CDK14: variants seen among roughly 807,000 people sequenced by gnomAD.
CDK14 encodes the protein cyclin dependent kinase 14.
CDK14 carries 34 observed loss-of-function variants against 60.7 expected under a neutral mutation model. The ratio of observed to expected loss-of-function variants is 0.56; its 90% CI spans 0.43 to 0.75. CDK14 has a LOEUF of 0.75. Ranked by LOEUF, CDK14 falls within the 30% of genes least tolerant of loss-of-function variation. CDK14 has a pLI of 0.00. For synonymous variants in CDK14, 197 were observed against 203.7 expected, an observed-to-expected ratio of 0.97 and a Z score of 0.28; for missense variants, 482 against 564.1, an observed-to-expected ratio of 0.85 and a Z score of 1.47.
intron 9 of CDK14, among the ~76,000 whole-genome samples, chr7:90,976,499 C>T (rs1795075512): frequency 6.6e-6 from 1 of 151,878 alleles, no homozygotes; most frequent in Non-Finnish European, 1.5e-5. Flanking sequence ...GAGACTACTA[C>T]AGGTGCAGTC....
chr7:90,731,458 T>G (rs1485691210), intron 3 of CDK14, among the ~76,000 whole-genome samples: 1 of 152,214 alleles, frequency 6.6e-6, no homozygotes, highest in Non-Finnish European at 1.5e-5. Flanking sequence ...ATGATATTGA[T>G]TCTTCATATC....
intron 14 of CDK14, among the ~76,000 whole-genome samples, chr7:91,141,824 T>TTGC (rs1554438873): frequency 1.3e-5 from 2 of 151,822 alleles, no homozygotes; most frequent in African/African-American, 2.4e-5. Flanking sequence ...GTTGTTGTTG[T>TTGC]TGCTGTTGTT....
At chr7:91,198,757 C>T (rs984352863) in intron 14 of CDK14, among the ~76,000 whole-genome samples, 4 of 152,236 alleles carry the variant, frequency 2.6e-5, no homozygotes, top group East Asian at 1.9e-4. Flanking sequence ...GGTTCAAAGT[C>T]GTAGGTGACT....
At chr7:90,891,353 T>C (rs1369462405) in intron 6 of CDK14, among the ~76,000 whole-genome samples, 1 of 152,216 alleles carries the variant, frequency 6.6e-6, no homozygotes, top group African/African-American at 2.4e-5. Context: ...GTTTGTAACA[T>C]ATCCCATTTT....
At chr7:90,758,837 C>G (rs749958761) in intron 4 of CDK14, among the ~76,000 whole-genome samples, 4 of 152,198 alleles carry the variant, frequency 2.6e-5, no homozygotes, top group Non-Finnish European at 5.9e-5. Context: ...GGGTGGATCA[C>G]CTGAGGCCAG....
intron 2 of CDK14, among the ~76,000 whole-genome samples, chr7:90,618,991 G>A (rs376681557): frequency 2.0e-5 from 3 of 152,266 alleles, no homozygotes; most frequent in East Asian, 3.9e-4. Flanking sequence ...AGCTCATTAA[G>A]TTAATATTTA....
At chr7:90,833,807 A>T (rs533630767) in intron 5 of CDK14, among the ~76,000 whole-genome samples, 27 of 152,326 alleles carry the variant, frequency 1.8e-4, no homozygotes, top group Admixed American at 5.2e-4. Flanking sequence ...TTAAGAAAGG[A>T]CTTAAAAATA....
At chr7:90,926,416 GA>G (rs1308214102) in intron 8 of CDK14, among the ~76,000 whole-genome samples, 1 of 152,144 alleles carries the variant, frequency 6.6e-6, no homozygotes, top group Admixed American at 6.5e-5. Context: ...GTAATTTAAG[GA>G]ATCACCCTCT....
At chr7:91,182,768 C>T (rs1052285631) in intron 14 of CDK14, among the ~76,000 whole-genome samples, 4 of 152,116 alleles carry the variant, frequency 2.6e-5, no homozygotes, top group African/African-American at 9.7e-5. Flanking sequence ...ATGGAAAGCA[C>T]TTTTTCTTAA....
Position 91,015,521 on chromosome 7 carries a change from G to GTTTTTTTTT in CDK14, c.1042-30360_1042-30352dup, listed in dbSNP as rs10710645. 2.1e-4 allele frequency among the ~76,000 whole-genome samples: 16 copies of GTTTTTTTTT among 77,664 alleles called. 1 individual carries two copies. The highest frequency in any genetic ancestry group is 3.1e-4 in the African/African-American group (6 of 19,244). 51.0% of individuals were successfully genotyped at this position (77,664 alleles called of 152,430 possible). A position where few individuals can be genotyped will look rare whatever the true frequency, so the allele number is the denominator to read the frequency against. On this transcript the variant is annotated intron_variant, in intron 10 of 14. Coordinates refer to ENST00000380050, the MANE Select transcript of CDK14 (RefSeq NM_001287135.2). ...CCTACCCCAGCAGAGTATGTCTTGG[G>GTTTTTTTTT]TTTTTTTTTTTTTTTTTTTTTTTTG...
Position 90,891,371 on chromosome 7 carries a change from A to G in CDK14, c.640-7920A>G, listed in dbSNP as rs1036179786. Among the ~76,000 whole-genome samples the G allele has an allele frequency of 2.0e-5, 3 of 152,238 alleles. No individual in the cohort carries two copies. The South Asian group carries it at 6.2e-4, about 32-fold the overall frequency. On this transcript the variant is annotated intron_variant, in intron 6 of 14. Coordinates refer to ENST00000380050, the MANE Select transcript of CDK14 (RefSeq NM_001287135.2). ...TGTAACATATCCCATTTTTAAAACAATGTGTTCACTTAAAGTTTTCATCAA... is the reference window on the plus strand; with the variant it reads ...TGTAACATATCCCATTTTTAAAACAGTGTGTTCACTTAAAGTTTTCATCAA...
At chr7:90,766,917 C>T (rs142860617) in intron 4 of CDK14, among the ~76,000 whole-genome samples, 305 of 152,278 alleles carry the variant, frequency 2.0e-3, no homozygotes, top group African/African-American at 6.5e-3. Context: ...CACAGCTGCA[C>T]GGCCAGCTCT....
chr7:90,974,660 C>T (rs1242304970), intron 9 of CDK14, among the ~76,000 whole-genome samples: 1 of 152,150 alleles, frequency 6.6e-6, no homozygotes, highest in Non-Finnish European at 1.5e-5. Context: ...TCTGCTTCCT[C>T]ATGTGATATA....
intron 13 of CDK14, among the ~76,000 whole-genome samples, chr7:91,114,966 A>G (rs1372388046): frequency 6.6e-6 from 1 of 152,178 alleles, no homozygotes; most frequent in Non-Finnish European, 1.5e-5. Flanking sequence ...TATATTTAGA[A>G]GTTTTTTAAA....
chr7:90,733,195 G>T (rs1802944184), intron 3 of CDK14, among the ~76,000 whole-genome samples: 1 of 152,104 alleles, frequency 6.6e-6, no homozygotes, highest in East Asian at 1.9e-4. Flanking sequence ...TTGCACTGTG[G>T]TCTGAGAGAC....
intron 2 of CDK14, among the ~76,000 whole-genome samples, chr7:90,624,139 A>G (rs1470972579): frequency 1.3e-5 from 2 of 152,146 alleles, no homozygotes; most frequent in African/African-American, 4.8e-5. Flanking sequence ...AGGGAAGGTA[A>G]GTGCTGTTCC....
At position 90,939,739 on chromosome 7, in the gene CDK14, C is replaced by G. The variant is rs562644127; in HGVS notation, c.827-15958C>G. ...CAAGGAAGATTTTAGTTTTTAACTT[C>G]TAAATTGTTTGATGATTCAGATTGT... is the stretch of plus-strand genomic sequence containing the variant. On this transcript the variant is annotated intron_variant, in intron 8 of 14. Transcript: ENST00000380050. 2.6e-4 allele frequency among the ~76,000 whole-genome samples: 40 copies of G among 152,288 alleles called. No homozygotes were observed. In the South Asian group the frequency reaches 8.3e-3, roughly 32 times the overall value.
chr7:91,081,350 A>G (rs1256938148), intron 12 of CDK14, among the ~76,000 whole-genome samples: 6 of 152,184 alleles, frequency 3.9e-5, no homozygotes, highest in African/African-American at 1.4e-4. Context: ...GGTTTTCTCT[A>G]TTTCCAACTA....
intron 11 of CDK14, among the ~76,000 whole-genome samples, chr7:91,046,454 T>C (rs1254317806): frequency 1.3e-5 from 2 of 152,212 alleles, no homozygotes; most frequent in Non-Finnish European, 2.9e-5. Context: ...TGTTTTCATG[T>C]AAAATATTTA....
Sources: gnomAD v4.1 joint callset for allele counts (sites outside exome capture counted in the v4.1 genomes callset) on GRCh38, gnomAD v4.1.1 for gene constraint, MANE v1.5 for transcripts, NCBI Gene and HGNC (gene_info 2026-07-23, HGNC 2026-07-21) for gene names.